The following KCND2 variants were observed in gnomAD, a reference collection of about 807,000 sequenced individuals.
KCND2 encodes the protein potassium voltage-gated channel subfamily D member 2.
A neutral mutation model predicts 54.4 loss-of-function variants in KCND2; 16 were observed. That is an observed-to-expected ratio of 0.29 (90% CI 0.20 to 0.45). The LOEUF (loss-of-function observed/expected upper bound fraction) is 0.45. Ranked by LOEUF, KCND2 falls within the 20% of genes least tolerant of loss-of-function variation. The probability of loss-of-function intolerance (pLI) is 1.00; values close to 1 mark genes in which losing one functional copy is unlikely to be tolerated. For synonymous variants in KCND2, 317 were observed against 310.7 expected (o/e 1.02, Z -0.21); for missense variants, 486 against 824.2 (o/e 0.59, Z 5.02).
chr7:120,618,280 G>GTATACAAAA (rs138097470), intron 1 of KCND2, among the ~76,000 whole-genome samples: 4,676 of 152,168 alleles, frequency 0.031, 245 homozygotes, highest in African/African-American at 0.11. Flanking sequence ...TTACACACCT[G>GTATACAAAA]TATACAAAAA....
At chr7:120,322,625 G>A (rs12667661) in intron 1 of KCND2, among the ~76,000 whole-genome samples, 1 of 151,978 alleles carries the variant, frequency 6.6e-6, no homozygotes, top group African/African-American at 2.4e-5. Flanking sequence ...ATTTACAAAG[G>A]AAATATTTAT....
chr7:120,497,113 GTAAT>G (rs1230104876), intron 1 of KCND2, among the ~76,000 whole-genome samples: 6 of 152,150 alleles, frequency 3.9e-5, no homozygotes, highest in East Asian at 1.9e-4. Flanking sequence ...TATAAAAATA[GTAAT>G]TAATCATTTC....
intron 1 of KCND2, among the ~76,000 whole-genome samples, chr7:120,615,271 A>G (rs1418128165): frequency 1.3e-5 from 2 of 152,182 alleles, no homozygotes; most frequent in South Asian, 2.1e-4. Context: ...TGACATCACC[A>G]CTGACAGTCC....
At chr7:120,279,180 T>G (rs562059256) in intron 1 of KCND2, among the ~76,000 whole-genome samples, 16 of 152,174 alleles carry the variant, frequency 1.1e-4, no homozygotes, top group Admixed American at 5.9e-4. Flanking sequence ...TTTGTAAAAA[T>G]GTACTAGACA....
Position 120,601,717 on chromosome 7 carries a change from C to G in KCND2, c.1116-131186C>G, listed in dbSNP as rs551820930. Among the ~76,000 whole-genome samples, 199 of 152,218 alleles carry G rather than the reference C, an allele frequency of 1.3e-3. 3 individuals carry two copies. Among genetic ancestry groups the G allele is most frequent in the South Asian group, 5.0e-3 (24 of 4,828 alleles). On this transcript the variant is annotated intron_variant, in intron 1 of 5. Transcript: ENST00000331113. ...TTGACCTTGAACTACTGTGACAGTC[C>G]TTTAGCACTGCAAAGACACCCTGAC...
intron 1 of KCND2, among the ~76,000 whole-genome samples, chr7:120,572,612 A>T (rs533216696): frequency 6.6e-6 from 1 of 152,052 alleles, no homozygotes; most frequent in Admixed American, 6.6e-5. Flanking sequence ...CCAACTCCCA[A>T]GTTCAAGTGA....
At chr7:120,487,662 C>G (rs1415962157) in intron 1 of KCND2, among the ~76,000 whole-genome samples, 3 of 152,122 alleles carry the variant, frequency 2.0e-5, no homozygotes, top group African/African-American at 7.2e-5. Flanking sequence ...GTGGTCTCCC[C>G]AATCCCTCTC....
chr7:120,358,911 G>A (rs1465061372), intron 1 of KCND2, among the ~76,000 whole-genome samples: 1 of 152,128 alleles, frequency 6.6e-6, no homozygotes, highest in African/African-American at 2.4e-5. Context: ...ACATTGCTTA[G>A]CATTGCATTG....
chr7:120,302,747 A>G (rs1186941828), intron 1 of KCND2, among the ~76,000 whole-genome samples: 2 of 152,216 alleles, frequency 1.3e-5, no homozygotes, highest in East Asian at 3.8e-4. Context: ...ATTTAAAAAC[A>G]TATTTCTGAA....
intron 1 of KCND2, among the ~76,000 whole-genome samples, chr7:120,537,665 A>G (rs1050787692): frequency 8.5e-5 from 13 of 152,212 alleles, no homozygotes; most frequent in Admixed American, 7.9e-4. Context: ...TGCAGCTTCC[A>G]TCTATATTAG....
chr7:120,456,429 T>C (rs770707609), intron 1 of KCND2, among the ~76,000 whole-genome samples: 1 of 152,188 alleles, frequency 6.6e-6, no homozygotes, highest in Non-Finnish European at 1.5e-5. Context: ...TAAACTTCAA[T>C]TCATTTGTAC....
At chr7:120,295,811 G>A (rs565168037) in intron 1 of KCND2, among the ~76,000 whole-genome samples, 27 of 152,034 alleles carry the variant, frequency 1.8e-4, no homozygotes, top group African/African-American at 5.8e-4. Flanking sequence ...ATGCAAACTC[G>A]AGGTGCAAGT....
intron 1 of KCND2, among the ~76,000 whole-genome samples, chr7:120,331,175 T>C (rs1800063070): frequency 6.6e-6 from 1 of 152,142 alleles, no homozygotes; most frequent in Non-Finnish European, 1.5e-5. Flanking sequence ...ATTTTAACCA[T>C]ATGTTCCATT....
At chr7:120,480,809 A>G (rs1802596555) in intron 1 of KCND2, among the ~76,000 whole-genome samples, 1 of 152,222 alleles carries the variant, frequency 6.6e-6, no homozygotes, top group African/African-American at 2.4e-5. Flanking sequence ...CTGTTATAGC[A>G]GCAGAAAATA....
intron 1 of KCND2, among the ~76,000 whole-genome samples, chr7:120,601,835 A>G (rs543198597): frequency 3.3e-5 from 5 of 152,286 alleles, no homozygotes; most frequent in South Asian, 2.1e-4. Context: ...GAACTACACT[A>G]TCCCTTAGAA....
At chr7:120,603,766 T>C (rs1792844180) in intron 1 of KCND2, among the ~76,000 whole-genome samples, 1 of 152,228 alleles carries the variant, frequency 6.6e-6, no homozygotes, top group Non-Finnish European at 1.5e-5. Flanking sequence ...AAACATATTT[T>C]TGCAAGATAT....
chr7:120,537,282 C>A (rs568486645), intron 1 of KCND2, among the ~76,000 whole-genome samples: 5 of 152,016 alleles, frequency 3.3e-5, no homozygotes, highest in Non-Finnish European at 7.4e-5. Flanking sequence ...TTTTTCTGAG[C>A]AATTTGTCTC....
At chr7:120,342,154 T>G (rs1800248863) in intron 1 of KCND2, among the ~76,000 whole-genome samples, 1 of 152,182 alleles carries the variant, frequency 6.6e-6, no homozygotes, top group South Asian at 2.1e-4. Flanking sequence ...AAATTTTGTG[T>G]TAGAGAGAAT....
intron 1 of KCND2, among the ~76,000 whole-genome samples, chr7:120,452,336 A>C (rs1021518191): frequency 6.6e-6 from 1 of 152,206 alleles, no homozygotes. Context: ...AGATTGAGTG[A>C]AATAAGATAT....
Sources: gnomAD v4.1 joint callset for allele counts (sites outside exome capture counted in the v4.1 genomes callset) on GRCh38, gnomAD v4.1.1 for gene constraint, MANE v1.5 for transcripts, NCBI Gene and HGNC (gene_info 2026-07-23, HGNC 2026-07-21) for gene names.